Variants in PTPRD observed in about 807,000 individuals in gnomAD.
PTPRD encodes the protein protein tyrosine phosphatase receptor type D.
PTPRD carries 34 observed loss-of-function variants against 214.5 expected under a neutral mutation model. That is an observed-to-expected ratio of 0.16 (90% CI 0.12 to 0.21). The LOEUF (loss-of-function observed/expected upper bound fraction) is 0.21. Among genes scored for constraint, PTPRD ranks in the 10% least tolerant of loss-of-function variants. The probability of loss-of-function intolerance (pLI) is 1.00; values close to 1 mark genes in which losing one functional copy is unlikely to be tolerated. For missense variants in PTPRD, 2,545 were observed against 2,398.7 expected (o/e 1.06, Z -1.27); for synonymous variants, 1,128 against 845.7 (o/e 1.33, Z -5.79).
intron 2 of PTPRD, among the ~76,000 whole-genome samples, chr9:10,481,750 T>TA (rs1455318563): frequency 6.6e-6 from 1 of 152,130 alleles, no homozygotes; most frequent in Non-Finnish European, 1.5e-5. Flanking sequence ...TAAAATTGGC[T>TA]AAAAATCTCA....
intron 8 of PTPRD, among the ~76,000 whole-genome samples, chr9:9,497,432 T>C (rs2096242740): frequency 6.6e-6 from 1 of 152,160 alleles, no homozygotes; most frequent in African/African-American, 2.4e-5. Context: ...TAGTTATTGC[T>C]GTTTTTAAAT....
chr9:10,304,493 G>C (rs1373847223), intron 3 of PTPRD, among the ~76,000 whole-genome samples: 1 of 152,150 alleles, frequency 6.6e-6, no homozygotes, highest in Non-Finnish European at 1.5e-5. Flanking sequence ...CAGATGACAT[G>C]ATTGTATATT....
chr9:8,874,292 C>A (rs1441222038), intron 11 of PTPRD, among the ~76,000 whole-genome samples: 2 of 152,154 alleles, frequency 1.3e-5, no homozygotes, highest in African/African-American at 4.8e-5. Flanking sequence ...TCTTTTCAAA[C>A]CAAGATAGAC....
chr9:10,178,574 G>T (rs1024989405), intron 3 of PTPRD, among the ~76,000 whole-genome samples: 6 of 151,950 alleles, frequency 3.9e-5, no homozygotes, highest in Non-Finnish European at 8.8e-5. Context: ...ATAGCAAAAT[G>T]TACGTAGAAA....
At position 8,346,977 on chromosome 9, in the gene PTPRD, A is replaced by G. The variant is rs567234044; in HGVS notation, c.4662-4999T>C. Among the ~76,000 whole-genome samples, 7 of 152,180 alleles carry G rather than the reference A, an allele frequency of 4.6e-5. No individual in the cohort carries two copies. In the South Asian group the frequency reaches 1.5e-3, roughly 32 times the overall value. On this transcript the variant is annotated intron_variant, in intron 39 of 45. Coordinates refer to ENST00000381196, the MANE Select transcript of PTPRD (RefSeq NM_002839.4). ...TTAGTTAAGATGAAAAAGGCATTAAATTTTGGGTGAAATACATGAACAGAA... is the reference window on the plus strand; with the variant it reads ...TTAGTTAAGATGAAAAAGGCATTAAGTTTTGGGTGAAATACATGAACAGAA...
intron 5 of PTPRD, among the ~76,000 whole-genome samples, chr9:9,896,878 T>C (rs1375794592): frequency 1.3e-5 from 2 of 152,004 alleles, no homozygotes; most frequent in Non-Finnish European, 2.9e-5. Flanking sequence ...TAACTGGAGA[T>C]CCATCCACTA....
intron 8 of PTPRD, among the ~76,000 whole-genome samples, chr9:9,508,524 G>A (rs1424423781): frequency 6.6e-6 from 1 of 151,438 alleles, no homozygotes; most frequent in African/African-American, 2.4e-5. Context: ...TCTACTTTCC[G>A]AGCTTGCTAA....
chr9:9,474,747 G>C (rs113551556), intron 8 of PTPRD, among the ~76,000 whole-genome samples: 2 of 151,420 alleles, frequency 1.3e-5, no homozygotes. Flanking sequence ...GTTTGTTATT[G>C]GTGTATAGAA....
intron 35 of PTPRD, among the ~76,000 whole-genome samples, chr9:8,430,000 T>G (rs887076602): frequency 6.6e-5 from 10 of 152,202 alleles, no homozygotes; most frequent in African/African-American, 2.4e-4. Context: ...CAGGATGGAC[T>G]GTGGTCCAAA....
chr9:9,158,084 T>C (rs1478491210), intron 10 of PTPRD, among the ~76,000 whole-genome samples: 1 of 152,210 alleles, frequency 6.6e-6, no homozygotes, highest in African/African-American at 2.4e-5. Context: ...TTCCATGGTA[T>C]ATATGTACCA....
intron 14 of PTPRD, among the ~76,000 whole-genome samples, chr9:8,609,052 C>T (rs565108023): frequency 7.4e-4 from 113 of 152,294 alleles, no homozygotes; most frequent in Non-Finnish European, 1.3e-3. Context: ...AAGTGCAGCA[C>T]AACCATCAAC....
At chr9:10,414,387 G>A (rs2098467443) in intron 2 of PTPRD, among the ~76,000 whole-genome samples, 1 of 151,906 alleles carries the variant, frequency 6.6e-6, no homozygotes, top group African/African-American at 2.4e-5. Flanking sequence ...ACCACAGTGA[G>A]ATACCATCTC....
intron 4 of PTPRD, among the ~76,000 whole-genome samples, chr9:9,962,877 A>G (rs2094455186): frequency 6.6e-6 from 1 of 152,144 alleles, no homozygotes; most frequent in Non-Finnish European, 1.5e-5. Flanking sequence ...GTAATGCACC[A>G]TAACTTGAAT....
chr9:9,941,465 G>T (rs2091429131), intron 4 of PTPRD, among the ~76,000 whole-genome samples: 1 of 152,124 alleles, frequency 6.6e-6, no homozygotes, highest in African/African-American at 2.4e-5. Flanking sequence ...TGGGATTACA[G>T]GAACCCAGCA....
At chr9:9,686,559 T>C (rs1264238363) in intron 7 of PTPRD, among the ~76,000 whole-genome samples, 2 of 151,552 alleles carry the variant, frequency 1.3e-5, no homozygotes, top group Non-Finnish European at 3.0e-5. Flanking sequence ...GTGGTCACCT[T>C]TGTGGTGGCT....
rs35164422 is a variant in PTPRD at position 10,125,622 on chromosome 9, TTGTGTGTG to T, written c.-544-91840_-544-91833del. Among the ~76,000 whole-genome samples, 1,026 of 139,306 alleles carry T rather than the reference TTGTGTGTG, an allele frequency of 7.4e-3. 18 individuals are homozygous for T. The highest frequency in any genetic ancestry group is 0.026 in the African/African-American group (975 of 37,478). 91.4% of individuals were successfully genotyped at this position (139,306 alleles called of 152,430 possible). On this transcript the variant is annotated intron_variant, in intron 3 of 45. Transcript: ENST00000381196. ...GGCGTGCGCTACCACGCTCGGCTAATTGTGTGTGTGTGTGTGTGTGTGTGTGTGTGTGT... is the reference window on the plus strand; with the variant it reads ...GGCGTGCGCTACCACGCTCGGCTAATTGTGTGTGTGTGTGTGTGTGTGTGT...
intron 39 of PTPRD, among the ~76,000 whole-genome samples, chr9:8,344,907 G>A (rs1009114633): frequency 1.7e-5 from 1 of 58,282 alleles, no homozygotes; most frequent in Non-Finnish European, 7.0e-5. Flanking sequence ...AATACCAAGT[G>A]TTTTGCAAAC....
chr9:8,536,549 A>G (rs1232418718), intron 14 of PTPRD, among the ~76,000 whole-genome samples: 1 of 151,994 alleles, frequency 6.6e-6, no homozygotes, highest in Non-Finnish European at 1.5e-5. Flanking sequence ...TAGCCAGTAC[A>G]AGGTAGATGA....
chr9:9,523,066 T>C (rs1161080041), intron 8 of PTPRD, among the ~76,000 whole-genome samples: 1 of 152,108 alleles, frequency 6.6e-6, no homozygotes, highest in Non-Finnish European at 1.5e-5. Context: ...TTTATGTTGT[T>C]AAAAACATAC....
Sources: allele counts gnomAD v4.1 joint callset (sites outside exome capture counted in the v4.1 genomes callset), GRCh38; gene constraint gnomAD v4.1.1; transcripts MANE v1.5; gene names NCBI Gene and HGNC (gene_info 2026-07-23, HGNC 2026-07-21).